TACR3: variants seen among roughly 807,000 people sequenced by gnomAD.
TACR3 encodes neuromedin-K receptor.
TACR3 carries 34 observed loss-of-function variants against 35.0 expected under a neutral mutation model. That is an observed-to-expected ratio of 0.97 (90% CI 0.74 to 1.30). The LOEUF (loss-of-function observed/expected upper bound fraction) is 1.30, where lower values mean the gene tolerates loss of function less well. TACR3 is among the 50% of genes most tolerant of loss of function. The pLI is 0.00. For synonymous variants in TACR3, 233 were observed against 221.1 expected (o/e 1.05, Z -0.48); for missense variants, 558 against 591.7 (o/e 0.94, Z 0.59).
chr4:103,609,360 C>T (rs1724464011), intron 3 of TACR3, among the ~76,000 whole-genome samples: 1 of 152,072 alleles, frequency 6.6e-6, no homozygotes, highest in African/African-American at 2.4e-5. Flanking sequence ...GAAGCTCTTG[C>T]TGTCTTCCCT....
intron 1 of TACR3, among the ~76,000 whole-genome samples, chr4:103,659,622 T>A (rs1295540002): frequency 2.0e-5 from 3 of 152,210 alleles, no homozygotes; most frequent in African/African-American, 7.2e-5. Context: ...ATGGTGCCTA[T>A]CTGTGTAACT....
chr4:103,660,773 A>G (rs1725825609), intron 1 of TACR3, among the ~76,000 whole-genome samples: 1 of 152,102 alleles, frequency 6.6e-6, no homozygotes, highest in African/African-American at 2.4e-5. Flanking sequence ...TGAACTCTAC[A>G]AAGAAAAATA....
At chr4:103,687,769 C>T (rs1240462575) in intron 1 of TACR3, among the ~76,000 whole-genome samples, 6 of 152,250 alleles carry the variant, frequency 3.9e-5, no homozygotes, top group African/African-American at 1.4e-4. Flanking sequence ...AATGGAAGAA[C>T]ATTCCATGCT....
intron 1 of TACR3, among the ~76,000 whole-genome samples, chr4:103,678,793 CTT>C (rs199845821): frequency 0.15 from 21,358 of 142,566 alleles, 1,936 homozygotes; most frequent in East Asian, 0.44. Context: ...AAGGTAGTTG[CTT>C]TTTTTTTTTT....
At chr4:103,650,653 T>A (rs1371978903) in intron 3 of TACR3, among the ~76,000 whole-genome samples, 1 of 50,344 alleles carries the variant, frequency 2.0e-5, no homozygotes, top group African/African-American at 1.6e-4. Flanking sequence ...TTAATATATA[T>A]AAATATATAT....
intron 1 of TACR3, among the ~76,000 whole-genome samples, chr4:103,687,201 T>A (rs1230962652): frequency 6.6e-6 from 1 of 152,132 alleles, no homozygotes; most frequent in Non-Finnish European, 1.5e-5. Context: ...CAATAACCCC[T>A]CATGCTAAAA....
rs2110281761 is a variant in TACR3, at chr4:103,589,358, G to C, written c.*324C>G. 1 of 235,656 alleles carries C rather than the reference G, an allele frequency of 4.2e-6. No individual in the cohort carries two copies. The highest frequency in any genetic ancestry group is 9.0e-5 in the East Asian group (1 of 11,170). 14.6% of individuals were successfully genotyped at this position (235,656 alleles called of 1,614,324 possible). A position where few individuals can be genotyped will look rare whatever the true frequency, so the allele number is the denominator to read the frequency against. ...TGGAAAAACTATATATCATTTTAAT[G>C]TCACAAATGTATATTGCAATTTGTA... is the stretch of plus-strand genomic sequence containing the variant. On this transcript the variant is annotated 3_prime_UTR_variant, in exon 5 of 5. Coordinates refer to ENST00000304883, the MANE Select transcript of TACR3 (RefSeq NM_001059.3).
chr4:103,671,369 GC>G (rs1337612434), intron 1 of TACR3, among the ~76,000 whole-genome samples: 2 of 151,916 alleles, frequency 1.3e-5, no homozygotes, highest in Non-Finnish European at 2.9e-5. Flanking sequence ...ATTGGTGTTA[GC>G]TTTTCTTTAA....
chr4:103,615,485 T>A (rs1724633358), intron 3 of TACR3, among the ~76,000 whole-genome samples: 1 of 151,102 alleles, frequency 6.6e-6, no homozygotes, highest in Non-Finnish European at 1.5e-5. Context: ...TCATTGCAAC[T>A]TAAAAAATAG....
chr4:103,601,630 C>T (rs1390544807), intron 3 of TACR3, among the ~76,000 whole-genome samples: 1 of 152,132 alleles, frequency 6.6e-6, no homozygotes, highest in Non-Finnish European at 1.5e-5. Flanking sequence ...GATATTATTT[C>T]TCCTTCACTT....
intron 1 of TACR3, among the ~76,000 whole-genome samples, chr4:103,680,716 A>G (rs1036351468): frequency 1.3e-5 from 2 of 151,756 alleles, no homozygotes; most frequent in Non-Finnish European, 2.9e-5. Flanking sequence ...TAAGTCATCT[A>G]TCACCTGAAA....
intron 1 of TACR3, among the ~76,000 whole-genome samples, chr4:103,699,094 T>G (rs866093601): frequency 5.9e-5 from 9 of 152,218 alleles, no homozygotes; most frequent in African/African-American, 2.2e-4. Flanking sequence ...AGTCAAACCT[T>G]GTTTTCATGG....
intron 3 of TACR3, among the ~76,000 whole-genome samples, chr4:103,626,121 A>G (rs1312413876): frequency 6.6e-6 from 1 of 152,186 alleles, no homozygotes; most frequent in African/African-American, 2.4e-5. Flanking sequence ...AGCTCTAACA[A>G]ACTATCATTT....
chr4:103,675,704 C>A (rs1726155670), intron 1 of TACR3, among the ~76,000 whole-genome samples: 1 of 151,960 alleles, frequency 6.6e-6, no homozygotes, highest in Non-Finnish European at 1.5e-5. Flanking sequence ...TGCAGCACTC[C>A]TGAAAGGAAG....
At chr4:103,675,191 T>A (rs946616761) in intron 1 of TACR3, among the ~76,000 whole-genome samples, 16 of 152,206 alleles carry the variant, frequency 1.1e-4, no homozygotes, top group African/African-American at 3.9e-4. Flanking sequence ...CCCTCTTTTC[T>A]ATCAATGCTT....
chr4:103,698,975 T>C (rs1334598930), intron 1 of TACR3, among the ~76,000 whole-genome samples: 3 of 152,160 alleles, frequency 2.0e-5, no homozygotes, highest in Non-Finnish European at 4.4e-5. Flanking sequence ...AAAACACTTT[T>C]GCAACTTCTG....
intron 1 of TACR3, among the ~76,000 whole-genome samples, chr4:103,670,910 TGTCA>T (rs553911689): frequency 6.6e-6 from 1 of 152,078 alleles, no homozygotes; most frequent in Non-Finnish European, 1.5e-5. Flanking sequence ...CAGAAAAGGC[TGTCA>T]GTTTTTCCCA....
intron 1 of TACR3, among the ~76,000 whole-genome samples, chr4:103,707,763 T>A (rs552778209): frequency 2.6e-5 from 4 of 152,188 alleles, no homozygotes; most frequent in Non-Finnish European, 5.9e-5. Flanking sequence ...CAAGGGAAGC[T>A]GTGACAGACG....
chr4:103,586,425 G>C lies in TACR3; in HGVS notation c.*3257C>G, dbSNP rs1187598640. ...TTAGAAGTGTGAGAAATGTTTGTAAGTCTCCTGCTTTTCTATTTGATGAAA... is the reference window on the plus strand; with the variant it reads ...TTAGAAGTGTGAGAAATGTTTGTAACTCTCCTGCTTTTCTATTTGATGAAA... On this transcript the variant is annotated 3_prime_UTR_variant, in exon 5 of 5. Transcript: ENST00000304883. 6.6e-6 allele frequency: 1 copy of C among 151,990 alleles called. No individual in the cohort carries two copies. Among genetic ancestry groups the C allele is most frequent in the Non-Finnish European group, 1.5e-5 (1 of 67,984 alleles). The allele number at this position is 151,990 out of a possible 1,614,324, so 9.4% of individuals were successfully genotyped here.
Sources: allele counts gnomAD v4.1 joint callset (sites outside exome capture counted in the v4.1 genomes callset), GRCh38; gene constraint gnomAD v4.1.1; transcripts MANE v1.5; gene names NCBI Gene and HGNC (gene_info 2026-07-23, HGNC 2026-07-21).